The following SHISA6 variants were observed in gnomAD, a reference collection of about 807,000 sequenced individuals.
SHISA6 encodes the protein shisa family member 6.
A neutral mutation model predicts 47.9 loss-of-function variants in SHISA6; 22 were observed. That is an observed-to-expected ratio of 0.46 (90% CI 0.33 to 0.66). SHISA6 has a LOEUF of 0.66. Ranked by LOEUF, SHISA6 falls within the 30% of genes least tolerant of loss-of-function variation. The pLI, the probability that SHISA6 is intolerant of heterozygous loss-of-function variation, is 0.02. For missense variants in SHISA6, 680 were observed against 764.6 expected (o/e 0.89, Z 1.30); for synonymous variants, 388 against 337.8 (o/e 1.15, Z -1.63).
chr17:11,352,175 A>G (rs1297644596), intron 2 of SHISA6, among the ~76,000 whole-genome samples: 3 of 152,248 alleles, frequency 2.0e-5, no homozygotes, highest in South Asian at 4.1e-4. Flanking sequence ...AACATTAAAG[A>G]AAAGAGCCTT....
chr17:11,496,097 C>T (rs980948810), intron 3 of SHISA6, among the ~76,000 whole-genome samples: 1 of 152,112 alleles, frequency 6.6e-6, no homozygotes, highest in East Asian at 1.9e-4. Context: ...TGTCTTAGTA[C>T]CCAGAGTCTA....
chr17:11,552,028 G>A (rs2071936133), intron 4 of SHISA6, 76 bp downstream of exon 4: 2 of 1,443,904 alleles, frequency 1.4e-6, no homozygotes, highest in Admixed American at 3.9e-5. Flanking sequence ...ATGCCTATCA[G>A]GGCATCAAAC....
At chr17:11,335,074 A>G (rs1567576367) in intron 2 of SHISA6, among the ~76,000 whole-genome samples, 1 of 152,344 alleles carries the variant, frequency 6.6e-6, no homozygotes, top group East Asian at 1.9e-4. Flanking sequence ...GACACGTGGA[A>G]GAATGTGCCC....
At position 11,283,605 on chromosome 17, in the gene SHISA6, A is replaced by G. The variant is rs888078287; in HGVS notation, c.799+20079A>G. ...TTACATTAAAGTGGTGTCAGCAGAT[A>G]CTGCACAAAGCTTATATATAACCCT... On this transcript the variant is annotated intron_variant, in intron 2 of 5. Transcript: ENST00000441885. Among the ~76,000 whole-genome samples, 13 of 152,360 alleles carry G rather than the reference A, an allele frequency of 8.5e-5. No individual in the cohort carries two copies. The East Asian group carries it at 1.2e-3, about 14-fold the overall frequency.
intron 2 of SHISA6, among the ~76,000 whole-genome samples, chr17:11,322,255 A>G (rs79305156): frequency 0.065 from 9,934 of 152,222 alleles, 435 homozygotes; most frequent in Non-Finnish European, 0.097. Context: ...TCAGTCAAAG[A>G]ACGTAAAAAA....
chr17:11,249,985 C>T (rs557891644), intron 1 of SHISA6, among the ~76,000 whole-genome samples: 1 of 152,248 alleles, frequency 6.6e-6, no homozygotes, highest in Admixed American at 6.5e-5. Context: ...TGAGGAACGA[C>T]AATTATTGGC....
At chr17:11,477,995 A>G (rs1916099140) in intron 3 of SHISA6, among the ~76,000 whole-genome samples, 1 of 106,304 alleles carries the variant, frequency 9.4e-6, no homozygotes, top group Admixed American at 1.1e-4. Flanking sequence ...GAATCGCCAC[A>G]CTGACTTCCA....
chr17:11,334,404 C>G (rs1049707189), intron 2 of SHISA6, among the ~76,000 whole-genome samples: 1 of 152,058 alleles, frequency 6.6e-6, no homozygotes, highest in African/African-American at 2.4e-5. Flanking sequence ...AGAAACAAGC[C>G]CCTGGACCTG....
At chr17:11,313,112 T>C (rs1282197732) in intron 2 of SHISA6, among the ~76,000 whole-genome samples, 1 of 152,242 alleles carries the variant, frequency 6.6e-6, no homozygotes, top group Non-Finnish European at 1.5e-5. Context: ...CAATTCCATC[T>C]GATCCTAGCA....
chr17:11,382,203 G>C (rs999878), intron 3 of SHISA6, among the ~76,000 whole-genome samples: 31,115 of 152,032 alleles, frequency 0.2, 3,375 homozygotes, highest in Middle Eastern at 0.28. Context: ...CTCTTGAGTA[G>C]CTGGGACTAC....
chr17:11,528,108 A>G (rs901027731), intron 3 of SHISA6, among the ~76,000 whole-genome samples: 7 of 152,208 alleles, frequency 4.6e-5, no homozygotes, highest in Non-Finnish European at 7.3e-5. Flanking sequence ...GGGGTACTTT[A>G]TAACTGCCTT....
intron 2 of SHISA6, among the ~76,000 whole-genome samples, chr17:11,305,840 G>C (rs998852822): frequency 6.6e-6 from 1 of 152,204 alleles, no homozygotes; most frequent in Non-Finnish European, 1.5e-5. Flanking sequence ...AGCTAGGGAG[G>C]CTGGGAGATG....
intron 2 of SHISA6, among the ~76,000 whole-genome samples, chr17:11,321,933 A>G (rs2142196740): frequency 6.6e-6 from 1 of 152,206 alleles, no homozygotes; most frequent in South Asian, 2.1e-4. Flanking sequence ...GCTCAAGACA[A>G]TTCTTCTTCT....
At chr17:11,555,022 C>G (rs967764865) in intron 4 of SHISA6, among the ~76,000 whole-genome samples, 2 of 152,144 alleles carry the variant, frequency 1.3e-5, no homozygotes, top group East Asian at 1.9e-4. Flanking sequence ...CCTCAATGCT[C>G]TATCTCAGGG....
chr17:11,507,524 A>G (rs189553947), intron 3 of SHISA6, among the ~76,000 whole-genome samples: 1 of 152,240 alleles, frequency 6.6e-6, no homozygotes, highest in Non-Finnish European at 1.5e-5. Context: ...CGCTGAGGAA[A>G]GTAACCCATT....
chr17:11,294,375 C>G (rs527290621), intron 2 of SHISA6, among the ~76,000 whole-genome samples: 2 of 152,158 alleles, frequency 1.3e-5, no homozygotes, highest in Non-Finnish European at 2.9e-5. Context: ...AGACATGTCC[C>G]TAAGGCTCTG....
intron 3 of SHISA6, among the ~76,000 whole-genome samples, chr17:11,399,503 C>T (rs947476890): frequency 1.3e-5 from 2 of 152,166 alleles, no homozygotes; most frequent in African/African-American, 4.8e-5. Context: ...CTCACTGCAA[C>T]CTCCGCCTCC....
intron 2 of SHISA6, among the ~76,000 whole-genome samples, chr17:11,311,904 T>C (rs1597452503): frequency 6.6e-6 from 1 of 152,106 alleles, no homozygotes; most frequent in East Asian, 1.9e-4. Flanking sequence ...GTGTCCCGAG[T>C]AGCTGGGATT....
At chr17:11,471,981 CTTTTGGTGTTGTACA>C (rs1915944698) in intron 3 of SHISA6, among the ~76,000 whole-genome samples, 1 of 152,090 alleles carries the variant, frequency 6.6e-6, no homozygotes, top group Admixed American at 6.6e-5. Context: ...TGAGGGTTCA[CTTTTGGTGTTGTACA>C]TTCTGTGGGT....
Sources: allele counts gnomAD v4.1 joint callset (sites outside exome capture counted in the v4.1 genomes callset), GRCh38; gene constraint gnomAD v4.1.1; transcripts MANE v1.5; gene names NCBI Gene and HGNC (gene_info 2026-07-23, HGNC 2026-07-21).